The following PCDH15 variants were observed in gnomAD, a reference collection of about 807,000 sequenced individuals.
PCDH15 encodes the protein protocadherin related 15.
A neutral mutation model predicts 178.5 loss-of-function variants in PCDH15; 129 were observed. The ratio of observed to expected loss-of-function variants is 0.72; its 90% CI spans 0.63 to 0.84. The LOEUF is 0.84. PCDH15 is among the 40% of genes least tolerant of loss of function. The probability of loss-of-function intolerance (pLI) is 0.00; values close to 1 mark genes in which losing one functional copy is unlikely to be tolerated. For synonymous variants in PCDH15, 800 were observed against 732.0 expected (o/e 1.09, Z -1.50); for missense variants, 2,230 against 2,099.9 (o/e 1.06, Z -1.21).
chr10:53,918,621 T>C (rs943056973), intron 25 of PCDH15, among the ~76,000 whole-genome samples: 1 of 152,142 alleles, frequency 6.6e-6, no homozygotes, highest in African/African-American at 2.4e-5. Context: ...ATGGTATTGT[T>C]GAAGGAAGAG....
chr10:54,914,108 G>T (rs997690121), intron 2 of PCDH15, among the ~76,000 whole-genome samples: 7 of 152,124 alleles, frequency 4.6e-5, no homozygotes, highest in African/African-American at 1.7e-4. Flanking sequence ...AAGGGTGTGA[G>T]ATTTTAGAGA....
chr10:53,985,870 A>T (rs942669498), intron 21 of PCDH15, among the ~76,000 whole-genome samples: 1 of 152,210 alleles, frequency 6.6e-6, no homozygotes, highest in African/African-American at 2.4e-5. Context: ...CTTAAACCAT[A>T]AAAAAGGTCA....
At chr10:53,851,671 A>AATAT (rs71004485) in intron 28 of PCDH15, among the ~76,000 whole-genome samples, 1,043 of 103,796 alleles carry the variant, frequency 0.01, 12 homozygotes, top group Non-Finnish European at 0.016. Flanking sequence ...TCCTCCTAGA[A>AATAT]ATATATATAT....
chr10:54,779,789 C>T (rs556779371), intron 1 of PCDH15, among the ~76,000 whole-genome samples: 23 of 151,870 alleles, frequency 1.5e-4, no homozygotes, highest in South Asian at 2.1e-4. Context: ...TCAACATTGT[C>T]GATTTGTGCT....
Position 54,438,805 on chromosome 10 carries a change from G to C in PCDH15, c.158-59863C>G, listed in dbSNP as rs1438901321. Among the ~76,000 whole-genome samples the C allele has an allele frequency of 1.8e-4, 28 of 151,902 alleles. 1 individual carries two copies. Among genetic ancestry groups the C allele is most frequent in the Middle Eastern group, 3.2e-3 (1 of 316 alleles). On this transcript the variant is annotated intron_variant, in intron 3 of 37. Transcript: ENST00000644397. Reference sequence around the variant, plus strand: ...TCTTTTTGAGCTCTCTTCCTATTTGGAAGGAGAACTAAAGCAAGTTTAGTT... The same window carrying C: ...TCTTTTTGAGCTCTCTTCCTATTTGCAAGGAGAACTAAAGCAAGTTTAGTT...
chr10:54,180,323 A>G (rs1163142173), intron 13 of PCDH15, among the ~76,000 whole-genome samples: 1 of 152,178 alleles, frequency 6.6e-6, no homozygotes, highest in African/African-American at 2.4e-5. Context: ...TTTATAACCA[A>G]CTCATTTGCT....
intron 4 of PCDH15, among the ~76,000 whole-genome samples, chr10:54,372,376 A>G (rs1202221228): frequency 6.6e-6 from 1 of 151,858 alleles, no homozygotes; most frequent in African/African-American, 2.4e-5. Flanking sequence ...TGGAACAGTT[A>G]TCACTCTCAA....
intron 2 of PCDH15, among the ~76,000 whole-genome samples, chr10:54,642,831 G>T (rs2081451599): frequency 6.6e-6 from 1 of 152,110 alleles, no homozygotes; most frequent in African/African-American, 2.4e-5. Flanking sequence ...AAAAGTATCA[G>T]TCTTTATTAA....
chr10:54,270,792 A>G (rs2058000387), intron 8 of PCDH15, among the ~76,000 whole-genome samples: 2 of 152,174 alleles, frequency 1.3e-5, no homozygotes, highest in Non-Finnish European at 2.9e-5. Flanking sequence ...ACTTACTGCT[A>G]GACACTGTTT....
intron 2 of PCDH15, among the ~76,000 whole-genome samples, chr10:54,598,200 T>C (rs1390665438): frequency 6.6e-6 from 1 of 152,066 alleles, no homozygotes; most frequent in Non-Finnish European, 1.5e-5. Flanking sequence ...TAGGCCAATA[T>C]ACTTGATGAA....
chr10:55,605,338 TC>T (rs1479939026), intron 2 of PCDH15, among the ~76,000 whole-genome samples: 2 of 152,132 alleles, frequency 1.3e-5, no homozygotes, highest in Admixed American at 1.3e-4. Context: ...CTGGTACCAT[TC>T]CTTCTGAAAC....
chr10:55,178,275 G>C (rs1839550277), intron 1 of PCDH15, among the ~76,000 whole-genome samples: 1 of 152,142 alleles, frequency 6.6e-6, no homozygotes. Flanking sequence ...TTGGCAGTGA[G>C]AGTTCCACAG....
At chr10:55,554,795 T>C (rs1842060860) in intron 2 of PCDH15, among the ~76,000 whole-genome samples, 1 of 152,084 alleles carries the variant, frequency 6.6e-6, no homozygotes, top group South Asian at 2.1e-4. Context: ...CTAATGTCCT[T>C]TTATGTTCTA....
intron 2 of PCDH15, among the ~76,000 whole-genome samples, chr10:55,505,106 C>A (rs1565204271): frequency 6.6e-6 from 1 of 151,110 alleles, no homozygotes; most frequent in South Asian, 2.1e-4. Context: ...TTCTAGAGAA[C>A]ACTTTGATAT....
intron 2 of PCDH15, among the ~76,000 whole-genome samples, chr10:54,587,661 T>C (rs943021925): frequency 6.6e-6 from 1 of 152,296 alleles, no homozygotes; most frequent in Non-Finnish European, 1.5e-5. Context: ...GCATAAAACA[T>C]TGCCCCCTTC....
At chr10:54,235,065 G>A (rs531151244) in intron 9 of PCDH15, among the ~76,000 whole-genome samples, 79 of 152,124 alleles carry the variant, frequency 5.2e-4, no homozygotes, top group South Asian at 1.5e-3. Flanking sequence ...AACTCTTCCC[G>A]GAGATATCAA....
intron 3 of PCDH15, among the ~76,000 whole-genome samples, chr10:54,522,192 TTGAG>T (rs1463900067): frequency 6.6e-6 from 1 of 151,914 alleles, no homozygotes; most frequent in African/African-American, 2.4e-5. Flanking sequence ...TGCTATGACA[TTGAG>T]TGATGAAAAA....
At chr10:55,478,937 TAA>T (rs36113145) in intron 2 of PCDH15, among the ~76,000 whole-genome samples, 10,181 of 137,450 alleles carry the variant, frequency 0.074, 402 homozygotes, top group Middle Eastern at 0.12. Flanking sequence ...ATCACAAAGA[TAA>T]AAAAAAAAAA....
chr10:54,631,812 AAGG>A (rs2093707951), intron 2 of PCDH15, among the ~76,000 whole-genome samples: 1 of 152,100 alleles, frequency 6.6e-6, no homozygotes, highest in Non-Finnish European at 1.5e-5. Flanking sequence ...AGGAGGCAGG[AAGG>A]AGAATGAACT....
Sources: gnomAD v4.1 joint callset for allele counts (sites outside exome capture counted in the v4.1 genomes callset) on GRCh38, gnomAD v4.1.1 for gene constraint, MANE v1.5 for transcripts, NCBI Gene and HGNC (gene_info 2026-07-23, HGNC 2026-07-21) for gene names.